The following ZNF841 variants were observed in gnomAD, a reference collection of about 807,000 sequenced individuals.
ZNF841 encodes the protein TCONS_00006091.
ZNF841 carries 11 observed loss-of-function variants against 13.0 expected under a neutral mutation model. That is an observed-to-expected ratio of 0.85 (90% confidence interval 0.53 to 1.40). The LOEUF (loss-of-function observed/expected upper bound fraction) is 1.40, where lower values mean the gene tolerates loss of function less well. Among genes scored for constraint, ZNF841 ranks in the 40% most tolerant of loss-of-function variants. ZNF841 has a pLI of 0.00. For synonymous variants in ZNF841, 369 were observed against 381.6 expected, an observed-to-expected ratio of 0.97 and a Z score of 0.38; for missense variants, 1,068 against 1,139.5, an observed-to-expected ratio of 0.94 and a Z score of 0.90.
intron 2 of ZNF841, among the ~76,000 whole-genome samples, chr19:52,089,969 C>G (rs8112306): frequency 0.21 from 32,080 of 151,968 alleles, 4,725 homozygotes; most frequent in African/African-American, 0.41. Context: ...ACTGAAGGAC[C>G]CTGGGCCTTC....
chr19:52,068,765 G>A (rs2087660789), intron 6 of ZNF841, among the ~76,000 whole-genome samples: 1 of 151,670 alleles, frequency 6.6e-6, no homozygotes, highest in Non-Finnish European at 1.5e-5. Flanking sequence ...GAGGCCAAGA[G>A]TTTGAGACTA....
rs2087590067 is a variant in ZNF841 at position 52,066,886 on chromosome 19, A to C, written c.996T>G (p.Leu332=). 4.3e-6 allele frequency: 7 copies of C among 1,614,082 alleles called. No individual in the cohort carries two copies. Among genetic ancestry groups the C allele is most frequent in the Non-Finnish European group, 5.9e-6 (7 of 1,180,044 alleles). ...CGRIFRQNSD[L]VNHRRSHTGD... ...CAGTGTGACTTCTCCGGTGATTTAC[A>C]AGATCTGAATTTTGTCTGAAGATCC... Residue 332 remains leucine, a synonymous_variant, in exon 7 of 7, where the codon CTT becomes CTG. Transcript: ENST00000594440.
Position 52,065,225 on chromosome 19 carries a change from T to A in ZNF841, c.2657A>T (p.Tyr886Phe). 1 of 1,612,330 alleles carries A rather than the reference T, an allele frequency of 6.2e-7. No individual in the cohort carries two copies. Among genetic ancestry groups the A allele is most frequent in the South Asian group, 1.1e-5 (1 of 90,884 alleles). ...PYKCNECGKS[Y>F]ISRSGLTKHQ... Reference sequence around the variant, plus strand: ...TTTAGTGAGGCCTGAGCGACTAATGTAAGATTTGCCACACTCATTACATTT... The same window carrying A: ...TTTAGTGAGGCCTGAGCGACTAATGAAAGATTTGCCACACTCATTACATTT... Residue 886 changes from tyrosine to phenylalanine, a missense_variant, in exon 7 of 7, where the codon TAC becomes TTC. By Grantham distance (22) the Tyr-to-Phe change is conservative. Transcript: ENST00000594440.
chr19:52,094,144 CAA>C (rs2088596144), intron 1 of ZNF841, 173 bp from the exon 2 acceptor site: 1 of 152,198 alleles, frequency 6.6e-6, no homozygotes, highest in African/African-American at 2.4e-5. Context: ...ATAACTGGAT[CAA>C]GTCACTGCCC....
rs759770352 is a variant in ZNF841, at chr19:52,067,415, G to A, written c.467C>T (p.Pro156Leu). ...AGTAAGATTGTTTTTATGGGTCATCGGCCCTTCTTTATAATTTATTTCACC... is the reference window on the plus strand; with the variant it reads ...AGTAAGATTGTTTTTATGGGTCATCAGCCCTTCTTTATAATTTATTTCACC... ...KDGEINYKEG[P>L]MTHKNNLTGQ... is the part of the protein sequence containing the mutation. Residue 156 changes from proline (P) to leucine (L), a missense_variant, in exon 7 of 7, where the codon CCG (proline) becomes CTG (leucine). Coordinates refer to ENST00000594440, the MANE Select transcript of ZNF841 (RefSeq NM_001136499.2). The A allele has an allele frequency of 3.2e-6, 5 of 1,547,960 alleles. No homozygotes were observed. In the African/African-American group the frequency reaches 5.5e-5, roughly 17 times the overall value.
intron 4 of ZNF841, among the ~76,000 whole-genome samples, chr19:52,080,658 G>A (rs1288234331): frequency 6.6e-5 from 10 of 152,138 alleles, no homozygotes; most frequent in African/African-American, 1.9e-4. Context: ...ACAGACAAAC[G>A]CTAAGTGCAT....
At position 52,065,378 on chromosome 19, in the gene ZNF841, T is replaced by G. The variant is rs987939484; in HGVS notation, c.2504A>C (p.Asn835Thr). ...ECGKAFIERS[N>T]LVYHQRNHTG... is the part of the protein sequence containing the mutation. ...ATGGTTTCTCTGATGGTAAACCAAG[T>G]TTGACCTTTCGATAAAAGCTTTACC... The change falls in exon 7 of 7, where the codon AAC becomes ACC. Residue 835 changes from asparagine to threonine, a missense_variant. Transcript: ENST00000594440. 2 of 1,607,940 alleles carry G rather than the reference T, an allele frequency of 1.2e-6. No individual in the cohort carries two copies. Among genetic ancestry groups the G allele is most frequent in the South Asian group, 1.1e-5 (1 of 90,622 alleles).
chr19:52,093,349 A>T (rs965663100), intron 2 of ZNF841, among the ~76,000 whole-genome samples: 1 of 152,204 alleles, frequency 6.6e-6, no homozygotes. Context: ...ACATTATGCT[A>T]GGTGAAATAA....
At chr19:52,083,425 TAAA>T (rs57008818) in intron 4 of ZNF841, among the ~76,000 whole-genome samples, 2 of 139,520 alleles carry the variant, frequency 1.4e-5, no homozygotes, top group Admixed American at 7.1e-5. Flanking sequence ...TCCCACTCTT[TAAA>T]AAAAAAAAAA....
At chr19:52,080,635 T>C (rs1212340598) in intron 4 of ZNF841, among the ~76,000 whole-genome samples, 1 of 152,150 alleles carries the variant, frequency 6.6e-6, no homozygotes, top group Non-Finnish European at 1.5e-5. Context: ...CATAAACCAG[T>C]GTGTGCAGTA....
intron 3 of ZNF841, among the ~76,000 whole-genome samples, chr19:52,087,024 G>A (rs755977818): frequency 6.6e-6 from 1 of 152,164 alleles, no homozygotes; most frequent in Non-Finnish European, 1.5e-5. Context: ...TTAATGGTAT[G>A]TTTTGTTTTA....
chr19:52,070,304 T>G (rs566879578), intron 6 of ZNF841, among the ~76,000 whole-genome samples: 1 of 152,206 alleles, frequency 6.6e-6, no homozygotes, highest in East Asian at 1.9e-4. Flanking sequence ...AGGGGGCGAA[T>G]GCGGGAATAA....
Position 52,065,620 on chromosome 19 carries a change from C to A in ZNF841, c.2262G>T (p.Arg754Ser). 4.3e-6 allele frequency: 7 copies of A among 1,610,948 alleles called. No individual in the cohort carries two copies. Among genetic ancestry groups the A allele is most frequent in the Non-Finnish European group, 5.9e-6 (7 of 1,178,578 alleles). ...TCTCTCCAGTATGAATTCTCCGATG[C>A]CTTGCCAGGGTTGTAGTGGAGTTAA... ...KVFNSTTTLA[R>S]HRRIHTGEKP... Residue 754 changes from arginine (R) to serine (S), a missense_variant, in exon 7 of 7, where the codon AGG (arginine) becomes AGT (serine). Physicochemically the swap from Arg to Ser is moderately radical, Grantham distance 110. Coordinates refer to ENST00000594440, the MANE Select transcript of ZNF841 (RefSeq NM_001136499.2).
At chr19:52,082,016 G>A (rs1023039138) in intron 4 of ZNF841, among the ~76,000 whole-genome samples, 1 of 152,018 alleles carries the variant, frequency 6.6e-6, no homozygotes, top group African/African-American at 2.4e-5. Context: ...AAAAAATAAA[G>A]AAAAATAAAG....
At chr19:52,076,918 C>A (rs748266731) in intron 5 of ZNF841, 40 bp downstream of exon 5, 1 of 1,604,844 alleles carries the variant, frequency 6.2e-7, no homozygotes, top group South Asian at 1.1e-5. Flanking sequence ...CAAAAATGCA[C>A]AAGGGAAGAT....
At chr19:52,062,838 G>A (rs2087425901), downstream of ZNF841, among the ~76,000 whole-genome samples, 1 of 150,630 alleles carries the variant, frequency 6.6e-6, no homozygotes, top group Admixed American at 6.6e-5. Flanking sequence ...GTTATCCATA[G>A]TATGATTTAC....
At chr19:52,064,376 A>AAC (rs2087468746), downstream of ZNF841, 6 of 145,626 alleles carry the variant, frequency 4.1e-5, no homozygotes, top group Admixed American at 2.0e-4. Flanking sequence ...AAAAAAAAAA[A>AAC]AAAAAAAAAA....
chr19:52,087,848 C>T (rs11668885), intron 3 of ZNF841, among the ~76,000 whole-genome samples: 24,819 of 151,672 alleles, frequency 0.16, 2,604 homozygotes, highest in East Asian at 0.4. Flanking sequence ...TAGCTGGGCA[C>T]GGTGGTCCAT....
intron 6 of ZNF841, among the ~76,000 whole-genome samples, chr19:52,070,837 G>A (rs1405079038): frequency 6.6e-6 from 1 of 152,222 alleles, no homozygotes; most frequent in East Asian, 1.9e-4. Flanking sequence ...TACAGAGTGA[G>A]AGTAGCATGG....
Sources: allele counts gnomAD v4.1 joint callset (sites outside exome capture counted in the v4.1 genomes callset), GRCh38; gene constraint gnomAD v4.1.1; transcripts MANE v1.5; gene names NCBI Gene and HGNC (gene_info 2026-07-23, HGNC 2026-07-21).